MAGI2: variants seen among roughly 807,000 people sequenced by gnomAD.
MAGI2 encodes the protein membrane associated guanylate kinase, WW and PDZ domain containing 2.
In MAGI2, 35 loss-of-function variants were observed where a neutral mutation model predicts 133.3. The observed-to-expected ratio is 0.26, with a 90% CI of 0.20 to 0.35. MAGI2 has a LOEUF of 0.35. Ranked by LOEUF, MAGI2 falls within the 10% of genes least tolerant of loss-of-function variation. The pLI, the probability that MAGI2 is intolerant of heterozygous loss-of-function variation, is 1.00. For missense variants in MAGI2, 1,636 were observed against 1,863.4 expected (o/e 0.88, Z 2.25); for synonymous variants, 729 against 710.6 (o/e 1.03, Z -0.41).
At chr7:79,214,407 C>CTCTCTATATA (rs1554406633) in intron 1 of MAGI2, among the ~76,000 whole-genome samples, 11 of 17,720 alleles carry the variant, frequency 6.2e-4, no homozygotes, top group Admixed American at 1.2e-3. Flanking sequence ...CTCTCTCTCT[C>CTCTCTATATA]TATATATATA....
At chr7:78,695,431 G>C (rs1031933414) in intron 2 of MAGI2, among the ~76,000 whole-genome samples, 4 of 152,216 alleles carry the variant, frequency 2.6e-5, no homozygotes, top group African/African-American at 9.6e-5. Flanking sequence ...ATGTCAAACA[G>C]AGCAAGTGTA....
intron 6 of MAGI2, among the ~76,000 whole-genome samples, chr7:78,468,271 C>T (rs952099319): frequency 3.3e-5 from 5 of 152,138 alleles, no homozygotes; most frequent in Admixed American, 6.6e-5. Flanking sequence ...AATAATGGTT[C>T]CCTTGACTAT....
At chr7:78,139,493 C>A (rs77234516) in intron 16 of MAGI2, among the ~76,000 whole-genome samples, 1 of 152,168 alleles carries the variant, frequency 6.6e-6, no homozygotes, top group Non-Finnish European at 1.5e-5. Context: ...AACGGAATTA[C>A]AGAGCAAGGA....
At chr7:78,562,671 C>T (rs1368920250) in intron 3 of MAGI2, among the ~76,000 whole-genome samples, 2 of 152,128 alleles carry the variant, frequency 1.3e-5, no homozygotes, top group African/African-American at 4.8e-5. Context: ...GATACTTTCA[C>T]TGTCACTGAA....
At chr7:78,041,743 T>G (rs1273113006) in intron 21 of MAGI2, among the ~76,000 whole-genome samples, 1 of 152,188 alleles carries the variant, frequency 6.6e-6, no homozygotes, top group Non-Finnish European at 1.5e-5. Flanking sequence ...GAATGCCAGT[T>G]GGTGGGCTGT....
At chr7:79,170,679 C>G (rs561656168) in intron 1 of MAGI2, among the ~76,000 whole-genome samples, 1 of 151,966 alleles carries the variant, frequency 6.6e-6, no homozygotes, top group East Asian at 1.9e-4. Flanking sequence ...ATTCAACAAC[C>G]CTTGTCTAAG....
chr7:79,354,261 A>T (rs1179006659), intron 1 of MAGI2: 1 of 152,356 alleles, frequency 6.6e-6, no homozygotes, highest in East Asian at 1.9e-4. Flanking sequence ...CCCTGCTGAC[A>T]GTCTGGCTCC....
intron 3 of MAGI2, among the ~76,000 whole-genome samples, chr7:78,546,930 A>G (rs988926041): frequency 6.6e-6 from 1 of 152,226 alleles, no homozygotes; most frequent in African/African-American, 2.4e-5. Flanking sequence ...TGGTTAAGCA[A>G]CTAGTAAATA....
intron 1 of MAGI2, among the ~76,000 whole-genome samples, chr7:79,227,889 C>G (rs1293264548): frequency 6.6e-6 from 1 of 152,154 alleles, no homozygotes; most frequent in East Asian, 1.9e-4. Flanking sequence ...TTTTAACATT[C>G]TAGGTCTTGT....
Position 79,146,776 on chromosome 7 carries a change from A to G in MAGI2, c.302-139570T>C, listed in dbSNP as rs117039007. ...ATTAAACCTATTTCCTTTTTAAATT[A>G]CCCAGTCTTAGGTGTGCCTTTATTG... On this transcript the variant is annotated intron_variant, in intron 1 of 21. Transcript: ENST00000354212. Among the ~76,000 whole-genome samples, 2,063 of 152,210 alleles carry G rather than the reference A, an allele frequency of 0.014. 153 individuals are homozygous for G. The East Asian group carries it at 0.19, about 14-fold the overall frequency.
At chr7:78,052,298 T>C (rs1374595527) in intron 21 of MAGI2, among the ~76,000 whole-genome samples, 3 of 152,126 alleles carry the variant, frequency 2.0e-5, no homozygotes, top group Non-Finnish European at 4.4e-5. Flanking sequence ...TGGGACTGAG[T>C]TCTCCTTCTT....
chr7:79,314,797 A>G (rs1245536091), intron 1 of MAGI2, among the ~76,000 whole-genome samples: 1 of 152,140 alleles, frequency 6.6e-6, no homozygotes, highest in Non-Finnish European at 1.5e-5. Context: ...GAAAAAGAAA[A>G]TTTTGCTGTT....
At chr7:78,942,602 T>C (rs1201607195) in intron 2 of MAGI2, among the ~76,000 whole-genome samples, 1 of 152,132 alleles carries the variant, frequency 6.6e-6, no homozygotes, top group Non-Finnish European at 1.5e-5. Flanking sequence ...TTCTGGGTAG[T>C]TCATCATGAT....
At chr7:78,920,034 T>C (rs1477456434) in intron 2 of MAGI2, among the ~76,000 whole-genome samples, 1 of 152,116 alleles carries the variant, frequency 6.6e-6, no homozygotes, top group African/African-American at 2.4e-5. Flanking sequence ...GCTTCCAACA[T>C]TGGGCAAGTC....
chr7:78,293,922 C>T (rs1050956748), intron 9 of MAGI2, among the ~76,000 whole-genome samples: 2 of 152,074 alleles, frequency 1.3e-5, no homozygotes, highest in African/African-American at 4.8e-5. Context: ...ACGTCACACA[C>T]CAGGGCCTGT....
intron 1 of MAGI2, among the ~76,000 whole-genome samples, chr7:79,325,325 T>G (rs889189536): frequency 6.6e-6 from 1 of 152,182 alleles, no homozygotes; most frequent in Non-Finnish European, 1.5e-5. Flanking sequence ...GCCTGGAATG[T>G]CCTTCTTGAG....
chr7:78,957,783 G>A (rs1802514501), intron 2 of MAGI2, among the ~76,000 whole-genome samples: 1 of 152,194 alleles, frequency 6.6e-6, no homozygotes, highest in East Asian at 1.9e-4. Context: ...TCCAGAGTTG[G>A]CATTCCTAGA....
intron 20 of MAGI2, among the ~76,000 whole-genome samples, chr7:78,082,411 TC>T (rs1816081328): frequency 6.6e-6 from 1 of 152,106 alleles, no homozygotes; most frequent in Non-Finnish European, 1.5e-5. Context: ...GGAATGAGGC[TC>T]CGGGAAGTCA....
chr7:79,196,918 C>T (rs904447923), intron 1 of MAGI2, among the ~76,000 whole-genome samples: 4 of 151,796 alleles, frequency 2.6e-5, no homozygotes, highest in African/African-American at 4.9e-5. Context: ...CAGGCTCACA[C>T]CACCATGCCT....
Sources: gnomAD v4.1 joint callset for allele counts (sites outside exome capture counted in the v4.1 genomes callset) on GRCh38, gnomAD v4.1.1 for gene constraint, MANE v1.5 for transcripts, NCBI Gene and HGNC (gene_info 2026-07-23, HGNC 2026-07-21) for gene names.